The following LARGE1 variants were observed in gnomAD, a reference collection of about 807,000 sequenced individuals.
The protein encoded by LARGE1 is LARGE xylosyl- and glucuronyltransferase 1, also known as xylosyl- and glucuronyltransferase LARGE1.
LARGE1 carries 43 observed loss-of-function variants against 87.6 expected under a neutral mutation model. That is an observed-to-expected ratio of 0.49 (90% confidence interval 0.38 to 0.63). The LOEUF is 0.63. Among genes scored for constraint, LARGE1 ranks in the 30% least tolerant of loss-of-function variants. LARGE1 has a pLI of 0.00. For synonymous variants in LARGE1, 434 were observed against 394.6 expected (o/e 1.10, Z -1.18); for missense variants, 802 against 1,000.2 (o/e 0.80, Z 2.67).
chr22:33,734,596 T>A (rs887213471), intron 2 of LARGE1, among the ~76,000 whole-genome samples: 9 of 152,196 alleles, frequency 5.9e-5, no homozygotes, highest in Admixed American at 5.9e-4. Context: ...GCTTTCTCTC[T>A]TGCTTGTTTC....
intron 11 of LARGE1, among the ~76,000 whole-genome samples, chr22:33,235,576 T>C (rs1268085177): frequency 6.6e-6 from 1 of 152,190 alleles, no homozygotes; most frequent in Non-Finnish European, 1.5e-5. Flanking sequence ...TTCAGGCATA[T>C]GGTTGGCAAG....
intron 11 of LARGE1, among the ~76,000 whole-genome samples, chr22:33,203,368 A>G (rs998764541): frequency 7.9e-5 from 12 of 152,198 alleles, no homozygotes; most frequent in Non-Finnish European, 1.8e-4. Context: ...GCCGGGAACC[A>G]GGCTTGTGAA....
intron 2 of LARGE1, among the ~76,000 whole-genome samples, chr22:33,709,444 G>A (rs2082660030): frequency 6.6e-6 from 1 of 152,074 alleles, no homozygotes; most frequent in South Asian, 2.1e-4. Context: ...CATATCTAGG[G>A]TCTATCTAGC....
At chr22:33,899,240 G>A (rs1432019984) in intron 1 of LARGE1, among the ~76,000 whole-genome samples, 1 of 152,112 alleles carries the variant, frequency 6.6e-6, no homozygotes, top group Admixed American at 6.5e-5. Flanking sequence ...CCGCCTGATG[G>A]TGCCCAACTC....
chr22:33,800,380 C>T (rs928721057), intron 1 of LARGE1, among the ~76,000 whole-genome samples: 3 of 152,274 alleles, frequency 2.0e-5, no homozygotes, highest in Admixed American at 6.5e-5. Flanking sequence ...TTAATTAGAC[C>T]ACAGACCTTA....
intron 6 of LARGE1, among the ~76,000 whole-genome samples, chr22:33,494,848 A>G (rs1363253363): frequency 6.6e-6 from 1 of 152,190 alleles, no homozygotes; most frequent in Non-Finnish European, 1.5e-5. Flanking sequence ...GAAGAAAGAT[A>G]ATCGGCTCTC....
intron 2 of LARGE1, among the ~76,000 whole-genome samples, chr22:33,684,285 C>T (rs1408418443): frequency 6.6e-6 from 1 of 152,010 alleles, no homozygotes; most frequent in Non-Finnish European, 1.5e-5. Context: ...ACCTTGGTAA[C>T]AAATTTACGT....
intron 2 of LARGE1, among the ~76,000 whole-genome samples, chr22:33,713,789 C>T (rs1394477479): frequency 6.6e-6 from 1 of 151,678 alleles, no homozygotes; most frequent in Non-Finnish European, 1.5e-5. Context: ...AGACACCGTG[C>T]CTACAAAAAA....
intron 11 of LARGE1, among the ~76,000 whole-genome samples, chr22:33,216,424 C>T (rs1452713038): frequency 6.6e-6 from 1 of 152,008 alleles, no homozygotes; most frequent in Non-Finnish European, 1.5e-5. Context: ...GTCAGGAGAT[C>T]GAGACCATCC....
At chr22:33,170,040 G>A (rs57159704) in intron 11 of LARGE1, among the ~76,000 whole-genome samples, 5,429 of 152,132 alleles carry the variant, frequency 0.036, 334 homozygotes, top group African/African-American at 0.12. Context: ...GTATTAGCAG[G>A]TGGAGTCTTC....
At chr22:33,541,152 C>T (rs2077192757) in intron 6 of LARGE1, among the ~76,000 whole-genome samples, 1 of 142,462 alleles carries the variant, frequency 7.0e-6, no homozygotes, top group Non-Finnish European at 1.5e-5. Context: ...TGCACTCCAG[C>T]CTGGGCTATA....
chr22:33,601,474 TC>T (rs1316183266), intron 5 of LARGE1, among the ~76,000 whole-genome samples: 2 of 152,170 alleles, frequency 1.3e-5, no homozygotes, highest in Admixed American at 1.3e-4. Flanking sequence ...GGGTTGTTGA[TC>T]CGGGTTATGT....
chr22:33,847,202 G>A (rs917813337), intron 1 of LARGE1, among the ~76,000 whole-genome samples: 1 of 152,260 alleles, frequency 6.6e-6, no homozygotes, highest in Non-Finnish European at 1.5e-5. Flanking sequence ...GAACCTACGT[G>A]ACTATCGGGG....
chr22:33,898,662 A>G (rs1601875034), intron 1 of LARGE1, among the ~76,000 whole-genome samples: 3 of 152,202 alleles, frequency 2.0e-5, no homozygotes, highest in Admixed American at 6.5e-5. Flanking sequence ...ACTGAGGCAG[A>G]AGAATCGCTT....
intron 11 of LARGE1, among the ~76,000 whole-genome samples, chr22:33,253,756 G>A (rs1455915748): frequency 6.6e-6 from 1 of 152,144 alleles, no homozygotes; most frequent in Non-Finnish European, 1.5e-5. Flanking sequence ...AGTATCTGAG[G>A]ATGGGGCTGC....
chr22:33,158,663 A>C (rs564857433), downstream of LARGE1, among the ~76,000 whole-genome samples: 2 of 152,312 alleles, frequency 1.3e-5, no homozygotes, highest in East Asian at 3.9e-4. Flanking sequence ...GTTAACTGAT[A>C]AAGAATTGAG....
At chr22:33,456,296 A>G (rs2068127723) in intron 6 of LARGE1, among the ~76,000 whole-genome samples, 1 of 152,196 alleles carries the variant, frequency 6.6e-6, no homozygotes. Flanking sequence ...CACAATCACC[A>G]ACCCCATCTA....
chr22:33,646,403 G>A (rs894689157), intron 3 of LARGE1, among the ~76,000 whole-genome samples: 1 of 152,106 alleles, frequency 6.6e-6, no homozygotes, highest in Non-Finnish European at 1.5e-5. Context: ...CATGGACACA[G>A]GGAGGGGAAC....
chr22:33,535,415 C>T (rs1269573836), intron 6 of LARGE1, among the ~76,000 whole-genome samples: 1 of 152,134 alleles, frequency 6.6e-6, no homozygotes, highest in Non-Finnish European at 1.5e-5. Flanking sequence ...TGGTGGCAGG[C>T]GCCTGTAATC....
Sources: gnomAD v4.1 joint callset for allele counts (sites outside exome capture counted in the v4.1 genomes callset) on GRCh38, gnomAD v4.1.1 for gene constraint, MANE v1.5 for transcripts, NCBI Gene and HGNC (gene_info 2026-07-23, HGNC 2026-07-21) for gene names.